The following FYB2 variants were observed in gnomAD, a reference collection of about 807,000 sequenced individuals.
The protein encoded by FYB2 is FYN-binding protein 2.
FYB2 carries 103 observed loss-of-function variants against 94.1 expected under a neutral mutation model. The ratio of observed to expected loss-of-function variants is 1.09; its 90% CI spans 0.93 to 1.29. FYB2 has a LOEUF of 1.29. Among genes scored for constraint, FYB2 ranks in the 50% most tolerant of loss-of-function variants. FYB2 has a pLI of 0.00. For missense variants in FYB2, 896 were observed against 841.5 expected, an observed-to-expected ratio of 1.06 and a Z score of -0.80; for synonymous variants, 293 against 287.9, an observed-to-expected ratio of 1.02 and a Z score of -0.18.
upstream of FYB2, among the ~76,000 whole-genome samples, chr1:56,823,485 T>A (rs929754844): frequency 1.3e-5 from 2 of 152,200 alleles, no homozygotes; most frequent in African/African-American, 4.8e-5. Context: ...TGGAGGTGTG[T>A]GGGTTCAAGA....
intron 9 of FYB2, among the ~76,000 whole-genome samples, chr1:56,745,316 A>G (rs1444840906): frequency 6.6e-6 from 1 of 152,058 alleles, no homozygotes; most frequent in Non-Finnish European, 1.5e-5. Flanking sequence ...CAGATACTTT[A>G]TCAGCCTTCA....
chr1:56,757,702 CT>C (rs1259138384), intron 6 of FYB2, among the ~76,000 whole-genome samples: 1 of 81,252 alleles, frequency 1.2e-5, no homozygotes, highest in Non-Finnish European at 2.3e-5. Flanking sequence ...TTCTTTCTTT[CT>C]TTCTTTCTTT....
Position 56,720,197 on chromosome 1 carries a change from T to C in FYB2, c.2107A>G (p.Ile703Val). The stretch of plus-strand genomic sequence containing the variant: ...CATTTGCCTTTAGAATTACGACATA[T>C]CACTAGATTTTGTTCGGTGGTATCA... ...VIDTTEQNLV[I>V]CRNSKGKYGY... Residue 703 changes from isoleucine (I) to valine (V), a missense_variant, in exon 18 of 20, where the codon ATA becomes GTA. Coordinates refer to ENST00000343433, the MANE Select transcript of FYB2 (RefSeq NM_001004303.5). 6.2e-7 allele frequency: 1 copy of C among 1,611,138 alleles called. No homozygotes were observed. Among genetic ancestry groups the C allele is most frequent in the African/African-American group, 1.3e-5 (1 of 74,918 alleles).
rs747268142 is a variant in FYB2 at position 56,792,384 on chromosome 1, C to T, written c.429G>A (p.Trp143Ter). The part of the protein sequence containing the change: ...ANSFRNKLWN[W>*]EKVSSQKSEM... The stretch of plus-strand genomic sequence containing the variant: ...CACTTTTCTGAGATGAAACCTTCTC[C>T]CAGTTCCAGAGTTTGTTTCTGAAGC... The change falls in exon 2 of 20, where the codon TGG (tryptophan) becomes TGA (stop). Residue 143 changes from tryptophan (W) to a stop codon, truncating the protein, a stop_gained. Coordinates refer to ENST00000343433, the MANE Select transcript of FYB2 (RefSeq NM_001004303.5). LOFTEE classifies it high-confidence loss of function. 4 of 1,614,116 alleles carry T rather than the reference C, an allele frequency of 2.5e-6. No homozygotes were observed. Among genetic ancestry groups the T allele is most frequent in the Admixed American group, 3.3e-5 (2 of 60,024 alleles).
intron 14 of FYB2, among the ~76,000 whole-genome samples, chr1:56,738,097 A>AC (rs1245853313): frequency 1.3e-5 from 2 of 152,106 alleles, no homozygotes; most frequent in African/African-American, 4.8e-5. Context: ...ACGTGTATTG[A>AC]CAGCCTACTA....
intron 5 of FYB2, 40 bp from the exon 6 acceptor site, chr1:56,758,790 C>T: frequency 6.7e-7 from 1 of 1,481,514 alleles, no homozygotes; most frequent in Non-Finnish European, 9.2e-7. Flanking sequence ...GGCAGCTGAT[C>T]CACCCATTTC....
rs1363407707 is a variant in FYB2 at position 56,719,672 on chromosome 1, T to C, written c.2186A>G (p.Ter729TrpextTer44). 6.2e-7 allele frequency: 1 copy of C among 1,601,170 alleles called. No homozygotes were observed. The highest frequency in any genetic ancestry group is 1.1e-5 in the South Asian group (1 of 90,602). Residue 729 changes from the stop codon to tryptophan, a stop_lost, in exon 20 of 20, where the codon TAG (stop) becomes TGG (tryptophan). Transcript: ENST00000343433. ...CCATAGCATTTGATCTTGATTTTTCTAAGGTGACCAACTTTGATGCCTGTG... is the reference window on the plus strand; with the variant it reads ...CCATAGCATTTGATCTTGATTTTTCCAAGGTGACCAACTTTGATGCCTGTG... ...LDFKHQSWSP[*>W]
chr1:56,813,049 GC>G (rs1167768379), intron 1 of FYB2, among the ~76,000 whole-genome samples: 9 of 152,276 alleles, frequency 5.9e-5, no homozygotes, highest in African/African-American at 2.2e-4. Context: ...TCTCTCCTTG[GC>G]TTGTAGATGG....
chr1:56,741,004 C>G (rs1026119077), intron 12 of FYB2, among the ~76,000 whole-genome samples: 1 of 152,086 alleles, frequency 6.6e-6, no homozygotes, highest in Non-Finnish European at 1.5e-5. Flanking sequence ...TTGGAAAGTT[C>G]CCTATTGGGT....
At chr1:56,809,229 G>A (rs573194846) in intron 1 of FYB2, among the ~76,000 whole-genome samples, 52 of 152,326 alleles carry the variant, frequency 3.4e-4, no homozygotes, top group African/African-American at 1.1e-3. Context: ...GAGATCATTC[G>A]TTCAATTACT....
chr1:56,790,685 A>G (rs576211232), intron 2 of FYB2, among the ~76,000 whole-genome samples: 22 of 152,204 alleles, frequency 1.4e-4, no homozygotes, highest in South Asian at 4.1e-4. Context: ...AGGAATTTTT[A>G]TTCTAATAAC....
At chr1:56,757,526 G>C (rs1476437632) in intron 6 of FYB2, among the ~76,000 whole-genome samples, 1 of 151,998 alleles carries the variant, frequency 6.6e-6, no homozygotes, top group Non-Finnish European at 1.5e-5. Flanking sequence ...ACAAGTATTG[G>C]TCCCTTTATT....
At chr1:56,810,553 A>C (rs756072834) in intron 1 of FYB2, among the ~76,000 whole-genome samples, 7 of 152,168 alleles carry the variant, frequency 4.6e-5, no homozygotes, top group Non-Finnish European at 1.0e-4. Context: ...CTCTCAGCAA[A>C]ATCTGAAAGA....
intron 1 of FYB2, among the ~76,000 whole-genome samples, chr1:56,804,648 T>C (rs908008664): frequency 6.6e-6 from 1 of 152,062 alleles, no homozygotes; most frequent in Admixed American, 6.5e-5. Flanking sequence ...GAGGATGGCT[T>C]GAACCCAGGA....
intron 17 of FYB2, chr1:56,720,928 TATA>T (rs1644473469): frequency 6.6e-6 from 1 of 152,092 alleles, no homozygotes; most frequent in African/African-American, 2.4e-5. Flanking sequence ...CCTTAAAGCT[TATA>T]ATATTCTTAC....
intron 16 of FYB2, among the ~76,000 whole-genome samples, chr1:56,724,401 A>G (rs557852498): frequency 2.6e-5 from 4 of 152,162 alleles, no homozygotes; most frequent in African/African-American, 9.6e-5. Context: ...TAGCAGTTCA[A>G]TGTATTGACA....
chr1:56,806,828 G>A (rs1342375), intron 1 of FYB2, among the ~76,000 whole-genome samples: 1 of 152,156 alleles, frequency 6.6e-6, no homozygotes, highest in African/African-American at 2.4e-5. Context: ...GTGAGGGTAA[G>A]GGTTTCAGAG....
intron 1 of FYB2, among the ~76,000 whole-genome samples, chr1:56,798,356 G>T (rs768036663): frequency 6.6e-6 from 1 of 152,174 alleles, no homozygotes; most frequent in Non-Finnish European, 1.5e-5. Flanking sequence ...AAAACAATTC[G>T]AGAGATATTG....
chr1:56,813,400 T>G (rs1205415544), intron 1 of FYB2, among the ~76,000 whole-genome samples: 2 of 152,122 alleles, frequency 1.3e-5, no homozygotes, highest in African/African-American at 2.4e-5. Context: ...AACTGCCTTT[T>G]ATAAAACCAT....
Sources: gnomAD v4.1 joint callset for allele counts (sites outside exome capture counted in the v4.1 genomes callset) on GRCh38, gnomAD v4.1.1 for gene constraint, MANE v1.5 for transcripts, NCBI Gene and HGNC (gene_info 2026-07-23, HGNC 2026-07-21) for gene names.